Variants in RUBCNL observed in about 807,000 individuals in gnomAD.
RUBCNL encodes rubicon like autophagy enhancer, also known as protein associated with UVRAG as autophagy enhancer.
RUBCNL carries 62 observed loss-of-function variants against 69.5 expected under a neutral mutation model. The observed-to-expected ratio is 0.89, with a 90% confidence interval of 0.73 to 1.10. RUBCNL has a LOEUF of 1.10. Among genes scored for constraint, RUBCNL ranks in the 50% least tolerant of loss-of-function variants. The probability of loss-of-function intolerance (pLI) is 0.00; values close to 1 mark genes in which losing one functional copy is unlikely to be tolerated. For missense variants in RUBCNL, 768 were observed against 798.1 expected, an observed-to-expected ratio of 0.96 and a Z score of 0.45; for synonymous variants, 291 against 303.6, an observed-to-expected ratio of 0.96 and a Z score of 0.43.
At position 46,336,819 on chromosome 13, in the gene RUBCNL, G is replaced by GGTA. The variant is rs1427551103; in HGVS notation, c.*6563_*6565dup. Among the ~76,000 whole-genome samples, 1 of 152,038 alleles carries GGTA rather than the reference G, an allele frequency of 6.6e-6. No homozygotes were observed. Among genetic ancestry groups the GGTA allele is most frequent in the Non-Finnish European group, 1.5e-5 (1 of 68,022 alleles). ...ATGTTGCTGTGAAGAAGATCATAGA[G>GGTA]GTAGAACTGGAAAGGAATGTGAGGT... On this transcript the variant is annotated 3_prime_UTR_variant, in exon 15 of 15. Coordinates refer to ENST00000429979, the MANE Select transcript of RUBCNL (RefSeq NM_025113.5).
chr13:46,373,750 G>A (rs562841418), intron 2 of RUBCNL, among the ~76,000 whole-genome samples: 1 of 152,334 alleles, frequency 6.6e-6, no homozygotes, highest in African/African-American at 2.4e-5. Flanking sequence ...GGAGACTTTG[G>A]AGTCAATTAC....
intron 5 of RUBCNL, 139 bp downstream of exon 5, chr13:46,367,903 A>C (rs1398737342): frequency 1.3e-6 from 1 of 775,560 alleles, no homozygotes; most frequent in Non-Finnish European, 2.1e-6. Context: ...AAAGTAGTGT[A>C]TATAGAGTTT....
chr13:46,361,674 C>G, intron 7 of RUBCNL, 101 bp from the exon 8 acceptor site: 2 of 1,211,896 alleles, frequency 1.7e-6, no homozygotes, highest in Non-Finnish European at 2.3e-6. Context: ...CCCCAAAACT[C>G]AGAAGAGGCT....
rs1457877283 is a variant in RUBCNL, at chr13:46,378,021, C to A, written c.-238-16G>T. ...TTTATTTTATCTGTAAGGCAAAAAACAATTTGCCAGATGCTATGATACCAC... is the reference window on the plus strand; with the variant it reads ...TTTATTTTATCTGTAAGGCAAAAAAAAATTTGCCAGATGCTATGATACCAC... On this transcript the variant is annotated splice_polypyrimidine_tract_variant and intron_variant, in intron 1 of 14. Coordinates refer to ENST00000429979, the MANE Select transcript of RUBCNL (RefSeq NM_025113.5). 4 of 1,412,604 alleles carry A rather than the reference C, an allele frequency of 2.8e-6. No homozygotes were observed. The highest frequency in any genetic ancestry group is 3.9e-6 in the Non-Finnish European group (4 of 1,037,702). The allele number at this position is 1,412,604 out of a possible 1,614,324, so 87.5% of individuals were successfully genotyped here. A position where few individuals can be genotyped will look rare whatever the true frequency, so the allele number is the denominator to read the frequency against.
chr13:46,375,270 T>C (rs1244521730), intron 2 of RUBCNL, among the ~76,000 whole-genome samples: 2 of 152,106 alleles, frequency 1.3e-5, no homozygotes, highest in Non-Finnish European at 2.9e-5. Flanking sequence ...CAGTGGCTCA[T>C]GCCTATAATC....
chr13:46,358,177 C>T (rs1051162722), intron 9 of RUBCNL, among the ~76,000 whole-genome samples: 1 of 152,318 alleles, frequency 6.6e-6, no homozygotes, highest in African/African-American at 2.4e-5. Flanking sequence ...GCCCCACAGA[C>T]TTTCTTGGCA....
At chr13:46,375,464 C>T (rs1320204261) in intron 2 of RUBCNL, among the ~76,000 whole-genome samples, 3 of 152,038 alleles carry the variant, frequency 2.0e-5, no homozygotes, top group African/African-American at 7.2e-5. Flanking sequence ...ACCTGGCAGG[C>T]GGAGGTTGCA....
chr13:46,349,291 A>G lies in RUBCNL; in HGVS notation c.1626T>C (p.Ala542=). Residue 542 remains alanine (A), a synonymous_variant, in exon 12 of 15, where the codon GCT becomes GCC. Coordinates refer to ENST00000429979, the MANE Select transcript of RUBCNL (RefSeq NM_025113.5). ...IKKLLKTCRF[A]NSALKEFEQV... Reference sequence around the variant, plus strand: ...GTCCCAGCTGAGAATAGTACCTGTTAGCAAACCTACAGGTCTTCAACAGCT... The same window carrying G: ...GTCCCAGCTGAGAATAGTACCTGTTGGCAAACCTACAGGTCTTCAACAGCT... 1 of 1,613,534 alleles carries G rather than the reference A, an allele frequency of 6.2e-7. No homozygotes were observed. Among genetic ancestry groups the G allele is most frequent in the Non-Finnish European group, 8.5e-7 (1 of 1,179,530 alleles).
At chr13:46,364,380 C>T in intron 5 of RUBCNL, among the ~76,000 whole-genome samples, 1 of 149,282 alleles carries the variant, frequency 6.7e-6, no homozygotes, top group Non-Finnish European at 1.5e-5. Context: ...CTAGGCAACA[C>T]AGACAGACTC....
chr13:46,373,422 C>G (rs996940740), intron 2 of RUBCNL, among the ~76,000 whole-genome samples: 1 of 152,160 alleles, frequency 6.6e-6, no homozygotes, highest in African/African-American at 2.4e-5. Flanking sequence ...ATATCAGTAT[C>G]AATGTATTCT....
chr13:46,345,490 T>C lies in RUBCNL; in HGVS notation c.1742A>G (p.Lys581Arg). ...TGCAAGGGAAGCTTTCAGAATGTCCTTGAGTAAGGGTGCCAGCAGCCCTTT... is the reference window on the plus strand; with the variant it reads ...TGCAAGGGAAGCTTTCAGAATGTCCCTGAGTAAGGGTGCCAGCAGCCCTTT... ...IKKGLLAPLL[K>R]DILKASLAHV... Residue 581 changes from lysine (K) to arginine (R), a missense_variant, in exon 13 of 15, where the codon AAG becomes AGG. Physicochemically the swap from Lys to Arg is conservative, Grantham distance 26 (BLOSUM62 2). Coordinates refer to ENST00000429979, the MANE Select transcript of RUBCNL (RefSeq NM_025113.5). The C allele has an allele frequency of 1.3e-6, 2 of 1,592,872 alleles. No homozygotes were observed. Among genetic ancestry groups the C allele is most frequent in the Non-Finnish European group, 1.7e-6 (2 of 1,169,718 alleles).
chr13:46,343,022 G>C lies in RUBCNL; in HGVS notation c.*363C>G. The C allele has an allele frequency of 4.5e-6, 1 of 220,080 alleles. No homozygotes were observed. Among genetic ancestry groups the C allele is most frequent in the Non-Finnish European group, 8.9e-6 (1 of 111,978 alleles). The allele number at this position is 220,080 out of a possible 1,614,324, so 13.6% of individuals were successfully genotyped here. A position where few individuals can be genotyped will look rare whatever the true frequency, so the allele number is the denominator to read the frequency against. ...AACCAGTTTCATCAAACAAGCTTTAGAGAAAGAGAAACTGAGTAATTCATC... is the reference window on the plus strand; with the variant it reads ...AACCAGTTTCATCAAACAAGCTTTACAGAAAGAGAAACTGAGTAATTCATC... On this transcript the variant is annotated 3_prime_UTR_variant, in exon 15 of 15. Coordinates refer to ENST00000429979, the MANE Select transcript of RUBCNL (RefSeq NM_025113.5).
intron 1 of RUBCNL, among the ~76,000 whole-genome samples, chr13:46,383,571 T>G (rs114208316): frequency 1.3e-5 from 2 of 152,218 alleles, no homozygotes; most frequent in Non-Finnish European, 2.9e-5. Context: ...GAATCCTTCA[T>G]GGTGCTTCAG....
rs748625441 is a variant in RUBCNL, at chr13:46,372,163, A to G, written c.313T>C (p.Ser105Pro). 2 of 1,614,014 alleles carry G rather than the reference A, an allele frequency of 1.2e-6. No individual in the cohort carries two copies. Among genetic ancestry groups the G allele is most frequent in the Non-Finnish European group, 1.7e-6 (2 of 1,179,886 alleles). ...LGDSLAETTL[S>P]EDTTDSVGSA... ...CCAACGGAGTCTGTGGTATCCTCAG[A>G]CAACGTTGTCTCTGCCAGGGAGTCC... The change falls in exon 3 of 15, where the codon TCT becomes CCT. Residue 105 changes from serine (S) to proline (P), a missense_variant. By Grantham distance (74) the Ser-to-Pro change is moderately conservative. Coordinates refer to ENST00000429979, the MANE Select transcript of RUBCNL (RefSeq NM_025113.5).
chr13:46,382,585 T>C (rs529058768), intron 1 of RUBCNL, among the ~76,000 whole-genome samples: 14 of 152,250 alleles, frequency 9.2e-5, no homozygotes, highest in East Asian at 7.7e-4. Flanking sequence ...GAGGCTGGAG[T>C]GCAGTGGCAT....
At chr13:46,352,004 T>A (rs1166539092) in intron 10 of RUBCNL, among the ~76,000 whole-genome samples, 2 of 152,052 alleles carry the variant, frequency 1.3e-5, no homozygotes, top group Non-Finnish European at 2.9e-5. Flanking sequence ...ATTTTTGTAT[T>A]TTTAGTAGAG....
At chr13:46,380,370 C>T (rs2049092109) in intron 1 of RUBCNL, among the ~76,000 whole-genome samples, 1 of 152,102 alleles carries the variant, frequency 6.6e-6, no homozygotes, top group Admixed American at 6.5e-5. Flanking sequence ...GTTATTATGC[C>T]AAGTTGAGAA....
At chr13:46,374,982 AG>A (rs1757619264) in intron 2 of RUBCNL, among the ~76,000 whole-genome samples, 1 of 152,180 alleles carries the variant, frequency 6.6e-6, no homozygotes, top group Admixed American at 6.5e-5. Context: ...TTTCTGCTTA[AG>A]GTAGTTCCCC....
intron 1 of RUBCNL, among the ~76,000 whole-genome samples, chr13:46,384,388 G>T (rs2049188829): frequency 1.3e-5 from 2 of 152,054 alleles, no homozygotes; most frequent in Admixed American, 1.3e-4. Context: ...AGTATAAGAA[G>T]AATACATTTC....
Sources: gnomAD v4.1 joint callset for allele counts (sites outside exome capture counted in the v4.1 genomes callset) on GRCh38, gnomAD v4.1.1 for gene constraint, MANE v1.5 for transcripts, NCBI Gene and HGNC (gene_info 2026-07-23, HGNC 2026-07-21) for gene names.